PPP1R9A: variants seen among roughly 807,000 people sequenced by gnomAD.
The protein encoded by PPP1R9A is neurabin-1.
In PPP1R9A, 59 loss-of-function variants were observed where a neutral mutation model predicts 141.9. The ratio of observed to expected loss-of-function variants is 0.42; its 90% CI spans 0.34 to 0.52. The LOEUF (loss-of-function observed/expected upper bound fraction) is 0.52. Ranked by LOEUF, PPP1R9A falls within the 20% of genes least tolerant of loss-of-function variation. The pLI, the probability that PPP1R9A is intolerant of heterozygous loss-of-function variation, is 0.10. For missense variants in PPP1R9A, 1,444 were observed against 1,611.9 expected, an observed-to-expected ratio of 0.90 and a Z score of 1.78; for synonymous variants, 500 against 569.7, an observed-to-expected ratio of 0.88 and a Z score of 1.74.
chr7:95,126,484 A>G (rs1344644099), intron 4 of PPP1R9A, among the ~76,000 whole-genome samples: 2 of 152,186 alleles, frequency 1.3e-5, no homozygotes, highest in African/African-American at 4.8e-5. Context: ...ACTATTGAGG[A>G]ACTGGCCAGG....
chr7:95,136,627 T>A (rs531712217), intron 4 of PPP1R9A, among the ~76,000 whole-genome samples: 2 of 152,266 alleles, frequency 1.3e-5, no homozygotes, highest in South Asian at 4.2e-4. Flanking sequence ...TACATAATGA[T>A]GGAGAACTCA....
At chr7:95,058,931 A>T (rs1254751447) in intron 2 of PPP1R9A, among the ~76,000 whole-genome samples, 1 of 152,050 alleles carries the variant, frequency 6.6e-6, no homozygotes, top group African/African-American at 2.4e-5. Flanking sequence ...TTGGGATTGT[A>T]GGCGTGTGCC....
intron 2 of PPP1R9A, among the ~76,000 whole-genome samples, chr7:95,052,757 T>G (rs1490604065): frequency 1.3e-5 from 2 of 152,218 alleles, no homozygotes; most frequent in Non-Finnish European, 2.9e-5. Flanking sequence ...CAGTTTTAGT[T>G]ATTGGCATCA....
chr7:94,988,817 G>C (rs966408310), intron 2 of PPP1R9A, among the ~76,000 whole-genome samples: 1 of 151,820 alleles, frequency 6.6e-6, no homozygotes, highest in African/African-American at 2.4e-5. Context: ...TAACATCCTG[G>C]ATTGATAACC....
chr7:95,007,422 G>C (rs1041811433), intron 2 of PPP1R9A, among the ~76,000 whole-genome samples: 1 of 152,150 alleles, frequency 6.6e-6, no homozygotes, highest in African/African-American at 2.4e-5. Flanking sequence ...TTGCTTGAAT[G>C]TCCTCTGGAG....
chr7:95,055,555 A>C (rs1811393294), intron 2 of PPP1R9A, among the ~76,000 whole-genome samples: 1 of 152,200 alleles, frequency 6.6e-6, no homozygotes, highest in African/African-American at 2.4e-5. Flanking sequence ...AGCTCACCAA[A>C]GACAGGTTAA....
intron 2 of PPP1R9A, among the ~76,000 whole-genome samples, chr7:95,095,665 A>C (rs1430196547): frequency 6.6e-6 from 1 of 152,210 alleles, no homozygotes; most frequent in African/African-American, 2.4e-5. Context: ...GGAAGGGACA[A>C]TCTGTAAGGA....
intron 4 of PPP1R9A, among the ~76,000 whole-genome samples, chr7:95,124,159 G>A (rs1358517645): frequency 6.6e-6 from 1 of 152,104 alleles, no homozygotes; most frequent in South Asian, 2.1e-4. Context: ...CACTACTGGT[G>A]TGTTCATTTG....
intron 7 of PPP1R9A, among the ~76,000 whole-genome samples, chr7:95,223,133 G>A (rs769565158): frequency 7.9e-5 from 12 of 151,886 alleles, no homozygotes; most frequent in Non-Finnish European, 1.6e-4. Context: ...TTTGTCCTCA[G>A]GATGCTTATA....
intron 4 of PPP1R9A, among the ~76,000 whole-genome samples, chr7:95,147,689 A>G (rs1390065845): frequency 1.3e-5 from 2 of 152,086 alleles, no homozygotes; most frequent in Non-Finnish European, 2.9e-5. Context: ...TAGTTTATTG[A>G]GTGTTTTTAT....
intron 2 of PPP1R9A, among the ~76,000 whole-genome samples, chr7:95,045,901 AGC>A (rs1809941367): frequency 6.6e-6 from 1 of 152,212 alleles, no homozygotes; most frequent in Admixed American, 6.5e-5. Flanking sequence ...CTTATAATGG[AGC>A]AACAGAAAAT....
At chr7:95,077,590 A>G (rs1326707898) in intron 2 of PPP1R9A, among the ~76,000 whole-genome samples, 1 of 152,178 alleles carries the variant, frequency 6.6e-6, no homozygotes, top group Non-Finnish European at 1.5e-5. Context: ...CTGCATTGTT[A>G]GCTGCCCCCC....
At chr7:94,974,578 A>T (rs989389171) in intron 2 of PPP1R9A, among the ~76,000 whole-genome samples, 3 of 152,186 alleles carry the variant, frequency 2.0e-5, no homozygotes, top group Admixed American at 2.0e-4. Context: ...TTCATCTAAG[A>T]AACACTGGGG....
chr7:94,972,153 T>C (rs545188304), intron 2 of PPP1R9A, among the ~76,000 whole-genome samples: 22 of 152,312 alleles, frequency 1.4e-4, no homozygotes, highest in Admixed American at 7.2e-4. Flanking sequence ...ATAAAAGCAG[T>C]TGTCTGTTTT....
intron 6 of PPP1R9A, among the ~76,000 whole-genome samples, chr7:95,201,209 T>A (rs540737110): frequency 3.3e-4 from 49 of 150,490 alleles, no homozygotes; most frequent in South Asian, 2.5e-3. Flanking sequence ...AAATTTTTTT[T>A]AATTAGTTTA....
chr7:95,185,493 C>T (rs1324657696), intron 5 of PPP1R9A, among the ~76,000 whole-genome samples: 1 of 151,994 alleles, frequency 6.6e-6, no homozygotes, highest in Non-Finnish European at 1.5e-5. Flanking sequence ...GTTTACTCTG[C>T]TGAAAACATT....
rs547967986 is a variant in PPP1R9A at position 94,980,524 on chromosome 7, C to T, written c.1395+69016C>T. On this transcript the variant is annotated intron_variant, in intron 2 of 19. Coordinates refer to ENST00000433360, the MANE Select transcript of PPP1R9A (RefSeq NM_001166160.2). ...TCAGGCTAGAGTGTGGTGACGCAACCTCCTGGGCTCAGGTAATCCTCTCAC... is the reference window on the plus strand; with the variant it reads ...TCAGGCTAGAGTGTGGTGACGCAACTTCCTGGGCTCAGGTAATCCTCTCAC... Among the ~76,000 whole-genome samples, 4 of 152,014 alleles carry T rather than the reference C, an allele frequency of 2.6e-5. No individual in the cohort carries two copies. In the South Asian group the frequency reaches 8.3e-4, roughly 32 times the overall value.
chr7:95,016,209 T>C (rs1805083511), intron 2 of PPP1R9A, among the ~76,000 whole-genome samples: 1 of 151,972 alleles, frequency 6.6e-6, no homozygotes, highest in Non-Finnish European at 1.5e-5. Context: ...TTGGAAATCA[T>C]GGGGGCTAGA....
At chr7:94,912,573 ACTGT>A (rs1168855423) in intron 2 of PPP1R9A, among the ~76,000 whole-genome samples, 15 of 152,182 alleles carry the variant, frequency 9.9e-5, no homozygotes, top group African/African-American at 3.6e-4. Flanking sequence ...ATCTAAAATC[ACTGT>A]CTGTTATTTT....
Sources: allele counts gnomAD v4.1 joint callset (sites outside exome capture counted in the v4.1 genomes callset), GRCh38; gene constraint gnomAD v4.1.1; transcripts MANE v1.5; gene names NCBI Gene and HGNC (gene_info 2026-07-23, HGNC 2026-07-21).